Variants in HIBCH observed in about 807,000 individuals in gnomAD.
HIBCH encodes 3-hydroxyisobutyryl-CoA hydrolase, mitochondrial.
In HIBCH, 50 loss-of-function variants were observed where a neutral mutation model predicts 58.2. The observed-to-expected ratio is 0.86, with a 90% CI of 0.68 to 1.09. The LOEUF is 1.09. Among genes scored for constraint, HIBCH ranks in the 50% least tolerant of loss-of-function variants. HIBCH has a pLI of 0.00. For missense variants in HIBCH, 450 were observed against 449.7 expected (o/e 1.00, Z -0.01); for synonymous variants, 151 against 146.9 (o/e 1.03, Z -0.20).
At chr2:190,310,928 G>C in intron 1 of HIBCH, 132 bp from the exon 2 acceptor site, 2 of 730,222 alleles carry the variant, frequency 2.7e-6, no homozygotes, top group Non-Finnish European at 5.0e-6. Context: ...AAAAGGTTTA[G>C]CTCTCATTCA....
At chr2:190,316,258 ACAG>A (rs1688708075) in intron 1 of HIBCH, among the ~76,000 whole-genome samples, 1 of 152,056 alleles carries the variant, frequency 6.6e-6, no homozygotes. Flanking sequence ...AGCCTCCTGA[ACAG>A]CTAAGACTAC....
At chr2:190,219,559 G>C (rs949148259) in intron 11 of HIBCH, among the ~76,000 whole-genome samples, 3 of 152,102 alleles carry the variant, frequency 2.0e-5, no homozygotes, top group African/African-American at 7.2e-5. Flanking sequence ...CAGCAACTTA[G>C]GTCATAAGTC....
At position 190,309,929 on chromosome 2, in the gene HIBCH, T is replaced by C. The variant is rs573347150; in HGVS notation, c.78+825A>G. ...TTTCCTGGGTATGTCTGTGCAGGTA[T>C]TGCCAAAGGAGATTAACATTCAAGT... On this transcript the variant is annotated intron_variant, in intron 2 of 13. Transcript: ENST00000359678. Among the ~76,000 whole-genome samples, 21 of 152,256 alleles carry C rather than the reference T, an allele frequency of 1.4e-4. No individual in the cohort carries two copies. In the South Asian group the frequency reaches 4.4e-3, roughly 32 times the overall value.
At chr2:190,266,569 A>T (rs1399750425) in intron 6 of HIBCH, among the ~76,000 whole-genome samples, 2 of 148,912 alleles carry the variant, frequency 1.3e-5, no homozygotes, top group African/African-American at 5.0e-5. Flanking sequence ...GAGTAGCTGG[A>T]ACTACAGATG....
At chr2:190,307,794 C>A (rs916986234) in intron 2 of HIBCH, among the ~76,000 whole-genome samples, 2 of 152,226 alleles carry the variant, frequency 1.3e-5, no homozygotes, top group African/African-American at 4.8e-5. Flanking sequence ...GCCTCACTGA[C>A]AGGTTCCACT....
At chr2:190,213,231 T>C (rs1690555831) in intron 11 of HIBCH, 156 bp from the exon 12 acceptor site, 1 of 624,012 alleles carries the variant, frequency 1.6e-6, no homozygotes, top group African/African-American at 1.8e-5. Flanking sequence ...AAACAAAACT[T>C]TTCTAATCTG....
intron 2 of HIBCH, among the ~76,000 whole-genome samples, chr2:190,307,475 C>G (rs766586623): frequency 6.6e-6 from 1 of 152,030 alleles, no homozygotes; most frequent in Non-Finnish European, 1.5e-5. Context: ...GGTTCGAGGC[C>G]AGTCTGGGCA....
intron 11 of HIBCH, among the ~76,000 whole-genome samples, chr2:190,222,410 T>G (rs1685746775): frequency 6.9e-6 from 1 of 145,760 alleles, no homozygotes; most frequent in Non-Finnish European, 1.5e-5. Context: ...GCTGAAGAAG[T>G]CAAAAAGGAG....
chr2:190,219,618 G>A (rs112232331), intron 11 of HIBCH, among the ~76,000 whole-genome samples: 1 of 152,142 alleles, frequency 6.6e-6, no homozygotes, highest in African/African-American at 2.4e-5. Flanking sequence ...TGCATTGTGG[G>A]CTGCAACAAA....
At chr2:190,234,865 G>A (rs1172164079) in intron 11 of HIBCH, among the ~76,000 whole-genome samples, 10 of 151,920 alleles carry the variant, frequency 6.6e-5, no homozygotes, top group Non-Finnish European at 8.8e-5. Flanking sequence ...CAAAACGTAT[G>A]GTGTGAGAAG....
At chr2:190,193,083 CAT>C (rs1689792751) in intron 1 of HIBCH, among the ~76,000 whole-genome samples, 1 of 152,020 alleles carries the variant, frequency 6.6e-6, no homozygotes, top group Non-Finnish European at 1.5e-5. Context: ...TTGCTCCTGT[CAT>C]AGGGAAAAAG....
chr2:190,255,828 G>GGA (rs56688526), intron 7 of HIBCH, among the ~76,000 whole-genome samples: 8,036 of 150,158 alleles, frequency 0.054, 691 homozygotes, highest in African/African-American at 0.18. Flanking sequence ...GCTTAGGAAT[G>GGA]GAGAGAGAGA....
intron 7 of HIBCH, among the ~76,000 whole-genome samples, chr2:190,255,846 AG>A (rs1686904518): frequency 1.3e-5 from 2 of 151,812 alleles, no homozygotes; most frequent in Non-Finnish European, 2.9e-5. Flanking sequence ...AGAGAGAGAG[AG>A]AGTGTGTGTG....
At chr2:190,312,598 T>TA (rs914748315) in intron 1 of HIBCH, among the ~76,000 whole-genome samples, 3 of 152,234 alleles carry the variant, frequency 2.0e-5, no homozygotes, top group Non-Finnish European at 4.4e-5. Context: ...ACTGAATTTA[T>TA]AAAAATATTT....
chr2:190,299,641 A>G (rs1420716434), intron 2 of HIBCH, among the ~76,000 whole-genome samples: 2 of 152,150 alleles, frequency 1.3e-5, no homozygotes, highest in African/African-American at 2.4e-5. Context: ...TTATTTTTCT[A>G]AATGCTAGGA....
chr2:190,285,717 T>C (rs1412334831), intron 6 of HIBCH, among the ~76,000 whole-genome samples: 1 of 151,908 alleles, frequency 6.6e-6, no homozygotes, highest in African/African-American at 2.4e-5. Context: ...TCCTACCTAT[T>C]GTCACGGCTC....
chr2:190,234,490 T>A (rs1170963193), intron 11 of HIBCH, among the ~76,000 whole-genome samples: 2 of 152,224 alleles, frequency 1.3e-5, no homozygotes, highest in Non-Finnish European at 2.9e-5. Context: ...TACTGTCATG[T>A]AAGTACAATC....
At chr2:190,258,038 T>G (rs1436103023) in intron 7 of HIBCH, among the ~76,000 whole-genome samples, 1 of 152,290 alleles carries the variant, frequency 6.6e-6, no homozygotes, top group South Asian at 2.1e-4. Context: ...TCAAATCTCA[T>G]GTTGAATTGT....
intron 7 of HIBCH, among the ~76,000 whole-genome samples, chr2:190,255,255 C>T (rs185061459): frequency 6.6e-5 from 10 of 152,338 alleles, no homozygotes; most frequent in African/African-American, 2.4e-4. Flanking sequence ...ATCACTCCTG[C>T]CCTCGATTCA....
Sources: allele counts gnomAD v4.1 joint callset (sites outside exome capture counted in the v4.1 genomes callset), GRCh38; gene constraint gnomAD v4.1.1; transcripts MANE v1.5; gene names NCBI Gene and HGNC (gene_info 2026-07-23, HGNC 2026-07-21).